CEP63: variants seen among roughly 807,000 people sequenced by gnomAD.
CEP63 encodes centrosomal protein 63, also known as centrosomal protein of 63 kDa.
Under a neutral mutation model 89.1 loss-of-function variants are expected in CEP63, and 84 were observed. The observed-to-expected ratio is 0.94, with a 90% CI of 0.79 to 1.13. The LOEUF is 1.13. Ranked by LOEUF, CEP63 falls within the 50% of genes most tolerant of loss-of-function variation. The probability of loss-of-function intolerance (pLI) is 0.00; values close to 1 mark genes in which losing one functional copy is unlikely to be tolerated. For missense variants in CEP63, 838 were observed against 813.3 expected (o/e 1.03, Z -0.37); for synonymous variants, 267 against 272.5 (o/e 0.98, Z 0.20).
At chr3:134,675,103 C>T in the CEP63 span, among the ~76,000 whole-genome samples, 2 of 152,120 alleles carry the variant, frequency 1.3e-5, no homozygotes, top group Non-Finnish European at 2.9e-5. Context: ...AAAAACAACA[C>T]AATTGGAGAA....
At chr3:134,655,775 G>C in the CEP63 span, among the ~76,000 whole-genome samples, 1 of 152,158 alleles carries the variant, frequency 6.6e-6, no homozygotes. Context: ...ACCTTGACTC[G>C]GGGTTTCAAG....
At chr3:134,556,518 A>T (rs1051359213) in intron 12 of CEP63, among the ~76,000 whole-genome samples, 69 of 152,310 alleles carry the variant, frequency 4.5e-4, no homozygotes, top group African/African-American at 1.6e-3. Context: ...GTCAATACTA[A>T]GCTAGTAGTG....
At chr3:134,557,591 A>C (rs1045471599) in intron 12 of CEP63, among the ~76,000 whole-genome samples, 7 of 152,068 alleles carry the variant, frequency 4.6e-5, no homozygotes, top group Admixed American at 4.6e-4. Flanking sequence ...TCAGAATAGT[A>C]ATTCCCACTA....
the CEP63 span, among the ~76,000 whole-genome samples, chr3:134,646,364 C>A: frequency 6.6e-6 from 1 of 152,054 alleles, no homozygotes; most frequent in Admixed American, 6.5e-5. Context: ...GGACTCTTAC[C>A]AAAGGCAGGG....
chr3:134,492,568 C>G (rs1470556082), intron 1 of CEP63, among the ~76,000 whole-genome samples: 2 of 150,622 alleles, frequency 1.3e-5, no homozygotes, highest in Admixed American at 6.6e-5. Flanking sequence ...GGTCCACTTC[C>G]CTCCTTTTTT....
At position 134,545,702 on chromosome 3, in the gene CEP63, G is replaced by T; in HGVS notation, c.672G>T (p.Glu224Asp). ...CTAATGACACTATCTGTGCCAATGA[G>T]TTGGAAATAGAGCGCCTCACCATGA... The part of the protein sequence containing the change: ...ERANDTICAN[E>D]LEIERLTMRV... The change falls in exon 7 of 15, where the codon GAG (glutamate) becomes GAT (aspartate). Residue 224 changes from glutamate to aspartate, a missense_variant. Transcript: ENST00000675561. The T allele has an allele frequency of 2.5e-6, 4 of 1,614,122 alleles. No homozygotes were observed. The highest frequency in any genetic ancestry group is 1.3e-5 in the African/African-American group (1 of 75,036).
At chr3:134,680,939 C>T in the CEP63 span, among the ~76,000 whole-genome samples, 1 of 152,350 alleles carries the variant, frequency 6.6e-6, no homozygotes, top group East Asian at 1.9e-4. Flanking sequence ...GCCTCCTGCC[C>T]TGGCAGCTGA....
chr3:134,673,685 C>G, the CEP63 span, among the ~76,000 whole-genome samples: 1 of 152,114 alleles, frequency 6.6e-6, no homozygotes, highest in Non-Finnish European at 1.5e-5. Flanking sequence ...AAACCTTCAT[C>G]CCTTTCCTTC....
chr3:134,548,920 T>G, intron 9 of CEP63, 142 bp from the exon 10 acceptor site: 1 of 641,530 alleles, frequency 1.6e-6, no homozygotes. Flanking sequence ...GATTGGCTTT[T>G]TAGTAATATT....
the CEP63 span, among the ~76,000 whole-genome samples, chr3:134,676,270 C>T: frequency 6.6e-6 from 1 of 152,122 alleles, no homozygotes; most frequent in Non-Finnish European, 1.5e-5. Flanking sequence ...AGCAGTGATA[C>T]ATGCCACAAC....
At chr3:134,604,022 G>C in the CEP63 span, 1 of 1,614,028 alleles carries the variant, frequency 6.2e-7, no homozygotes, top group Non-Finnish European at 8.5e-7. Context: ...TCCCGGTGCA[G>C]CTGGAAGATG....
chr3:134,774,137 T>G, the CEP63 span, among the ~76,000 whole-genome samples: 3 of 152,166 alleles, frequency 2.0e-5, no homozygotes, highest in African/African-American at 7.2e-5. Flanking sequence ...CCCATTGACA[T>G]GCTCTGGGGC....
intron 5 of CEP63, chr3:134,536,924 T>C (rs1487013848): frequency 2.0e-6 from 1 of 504,180 alleles, no homozygotes; most frequent in Non-Finnish European, 3.7e-6. Flanking sequence ...GTCATACTCC[T>C]CACCATCAGG....
chr3:134,649,212 C>T, the CEP63 span, among the ~76,000 whole-genome samples: 1 of 152,148 alleles, frequency 6.6e-6, no homozygotes, highest in Non-Finnish European at 1.5e-5. Flanking sequence ...CAGAAAGGGC[C>T]CAGCCATTAG....
chr3:134,559,130 T>G lies in CEP63; in HGVS notation c.1674-20T>G, dbSNP rs771066305. 6.2e-7 allele frequency: 1 copy of G among 1,612,584 alleles called. No individual in the cohort carries two copies. Among genetic ancestry groups the G allele is most frequent in the East Asian group, 2.2e-5 (1 of 44,870 alleles). On this transcript the variant is annotated intron_variant, in intron 13 of 14. Transcript: ENST00000675561. ...TTGCTACAATTTTTTATTTGTTTTG[T>G]TTTCTAATCTACCATCCAGGCCAAC... is the stretch of plus-strand genomic sequence containing the variant.
At chr3:134,774,982 G>T in the CEP63 span, among the ~76,000 whole-genome samples, 1 of 152,174 alleles carries the variant, frequency 6.6e-6, no homozygotes, top group African/African-American at 2.4e-5. Flanking sequence ...GTGAGAACTG[G>T]TGTATAAATA....
chr3:134,503,444 C>T (rs541804702), intron 2 of CEP63, among the ~76,000 whole-genome samples: 8 of 152,110 alleles, frequency 5.3e-5, no homozygotes, highest in Middle Eastern at 3.4e-3. Context: ...ATGGTCTATC[C>T]TGGAGAATGT....
chr3:134,618,051 C>A, the CEP63 span, among the ~76,000 whole-genome samples: 1 of 152,004 alleles, frequency 6.6e-6, no homozygotes, highest in Non-Finnish European at 1.5e-5. Flanking sequence ...GTACCCTGAC[C>A]CACCGTGGCT....
At chr3:134,514,761 A>T (rs184638807) in intron 3 of CEP63, among the ~76,000 whole-genome samples, 38 of 152,344 alleles carry the variant, frequency 2.5e-4, no homozygotes, top group African/African-American at 8.9e-4. Flanking sequence ...GCAGACCTGC[A>T]CTAAGGAAAT....
Sources: allele counts gnomAD v4.1 joint callset (sites outside exome capture counted in the v4.1 genomes callset), GRCh38; gene constraint gnomAD v4.1.1; transcripts MANE v1.5; gene names NCBI Gene and HGNC (gene_info 2026-07-23, HGNC 2026-07-21).